DLG2: variants seen among roughly 807,000 people sequenced by gnomAD.
DLG2 encodes disks large homolog 2.
Under a neutral mutation model 132.5 loss-of-function variants are expected in DLG2, and 45 were observed. That is an observed-to-expected ratio of 0.34 (90% CI 0.27 to 0.44). DLG2 has a LOEUF of 0.44. DLG2 is among the 20% of genes least tolerant of loss of function. DLG2 has a pLI of 1.00. For missense variants in DLG2, 1,045 were observed against 1,196.9 expected (o/e 0.87, Z 1.87); for synonymous variants, 424 against 419.6 (o/e 1.01, Z -0.13).
intron 7 of DLG2, among the ~76,000 whole-genome samples, chr11:84,393,978 T>C (rs974705551): frequency 2.6e-5 from 4 of 152,028 alleles, no homozygotes; most frequent in African/African-American, 7.2e-5. Context: ...CTCCACCTCC[T>C]GGGTTCAAGC....
intron 18 of DLG2, among the ~76,000 whole-genome samples, chr11:83,647,333 G>A (rs1346478213): frequency 6.6e-6 from 1 of 152,028 alleles, no homozygotes; most frequent in Admixed American, 6.6e-5. Flanking sequence ...TGTGTTCTCT[G>A]TGCAGCATTT....
intron 17 of DLG2, among the ~76,000 whole-genome samples, chr11:83,796,919 C>A (rs1180781046): frequency 1.3e-5 from 2 of 152,060 alleles, no homozygotes; most frequent in Non-Finnish European, 2.9e-5. Context: ...CAAAAAAAGT[C>A]AGAATTCTGT....
At chr11:84,843,891 T>C (rs542640443) in intron 6 of DLG2, among the ~76,000 whole-genome samples, 4 of 151,546 alleles carry the variant, frequency 2.6e-5, no homozygotes, top group Admixed American at 2.6e-4. Context: ...TATTTCTTTA[T>C]TTATCTCTAT....
At chr11:85,380,051 T>C (rs1215029869) in intron 3 of DLG2, among the ~76,000 whole-genome samples, 1 of 152,144 alleles carries the variant, frequency 6.6e-6, no homozygotes, top group Non-Finnish European at 1.5e-5. Flanking sequence ...TTCCACAAAA[T>C]ATTGCCCCCA....
At chr11:83,668,706 CAT>C (rs1176794599) in intron 18 of DLG2, among the ~76,000 whole-genome samples, 4 of 12,806 alleles carry the variant, frequency 3.1e-4, no homozygotes, top group Admixed American at 1.4e-3. Flanking sequence ...TATATAAACA[CAT>C]ATATATGTGT....
At chr11:83,816,206 T>C (rs2048866268) in intron 17 of DLG2, among the ~76,000 whole-genome samples, 2 of 152,188 alleles carry the variant, frequency 1.3e-5, no homozygotes, top group Admixed American at 1.3e-4. Context: ...CCTTCCCACA[T>C]TCCAGGACTA....
At chr11:84,665,362 G>A (rs553812849) in intron 6 of DLG2, among the ~76,000 whole-genome samples, 11 of 152,112 alleles carry the variant, frequency 7.2e-5, no homozygotes, top group Non-Finnish European at 1.2e-4. Flanking sequence ...ATATTACATA[G>A]TCAGCAGCCA....
chr11:84,791,528 G>T (rs2073842773), intron 6 of DLG2, among the ~76,000 whole-genome samples: 1 of 152,110 alleles, frequency 6.6e-6, no homozygotes, highest in African/African-American at 2.4e-5. Flanking sequence ...GATTGCTTTG[G>T]CTGGTATGGA....
chr11:84,777,227 AT>A lies in DLG2; in HGVS notation c.358-242497del, dbSNP rs1208258780. ...ATGTTGCTGCAAAAGATGTAATTTC[AT>A]TCTTTTTGCTGTCTAAATAGTATCC... On this transcript the variant is annotated intron_variant, in intron 6 of 27. Coordinates refer to ENST00000376104, the MANE Select transcript of DLG2 (RefSeq NM_001142699.3). 2.7e-5 allele frequency among the ~76,000 whole-genome samples: 2 copies of A among 73,106 alleles called. 1 individual carries two copies. The highest frequency in any genetic ancestry group is 5.2e-5 in the Non-Finnish European group (2 of 38,812). The allele number at this position is 73,106 out of a possible 152,430, so 48.0% of individuals were successfully genotyped here. A position where few individuals can be genotyped will look rare whatever the true frequency, so the allele number is the denominator to read the frequency against.
chr11:85,372,744 A>G (rs1377296550), intron 3 of DLG2, among the ~76,000 whole-genome samples: 3 of 152,254 alleles, frequency 2.0e-5, no homozygotes, highest in African/African-American at 7.2e-5. Context: ...GGGTACAGCC[A>G]CTTTGGCACT....
Position 84,735,292 on chromosome 11 carries a change from T to C in DLG2, c.358-200561A>G, listed in dbSNP as rs554176893. ...CTGGACTTTTTTGGTTGGTAGGCTA[T>C]TAATTATTGCCTCAATTTCAGATTC... On this transcript the variant is annotated intron_variant, in intron 6 of 27. Transcript: ENST00000376104. Among the ~76,000 whole-genome samples the C allele has an allele frequency of 5.9e-5, 9 of 152,312 alleles. No homozygotes were observed. In the East Asian group the frequency reaches 1.7e-3, roughly 29 times the overall value.
chr11:84,945,073 C>T (rs775746285), intron 6 of DLG2, among the ~76,000 whole-genome samples: 5 of 152,132 alleles, frequency 3.3e-5, no homozygotes, highest in African/African-American at 4.8e-5. Flanking sequence ...GTCATGTTTT[C>T]GTAGATGGTC....
At chr11:84,546,768 G>A (rs928704785) in intron 6 of DLG2, 5 of 315,024 alleles carry the variant, frequency 1.6e-5, no homozygotes, top group Non-Finnish European at 3.2e-5. Context: ...ACTCTCATGG[G>A]TTGTTTCAAA....
At chr11:84,454,297 G>A (rs1347472763) in intron 7 of DLG2, among the ~76,000 whole-genome samples, 1 of 151,498 alleles carries the variant, frequency 6.6e-6, no homozygotes, top group African/African-American at 2.4e-5. Flanking sequence ...TGTCCTCTGA[G>A]AAGAAATAGA....
At chr11:85,379,778 C>T (rs909244821) in intron 3 of DLG2, among the ~76,000 whole-genome samples, 2 of 152,190 alleles carry the variant, frequency 1.3e-5, no homozygotes, top group Admixed American at 6.5e-5. Context: ...TTTTTCCCTA[C>T]TATACCATGT....
rs1251986717 is a variant in DLG2, at chr11:83,668,683, GTATATATATGTGTATATAAACACA to G, written c.1826-35382_1826-35359del. Among the ~76,000 whole-genome samples the G allele has an allele frequency of 1.4e-3, 201 of 144,510 alleles. 1 individual carries two copies. The highest frequency in any genetic ancestry group is 8.4e-3 in the South Asian group (38 of 4,524). The allele number at this position is 144,510 out of a possible 152,430, so 94.8% of individuals were successfully genotyped here. ...TATATGTATAAGTATATATGTATGT[GTATATATATGTGTATATAAACACA>G]TATATATGTGTATATAAACACATAT... On this transcript the variant is annotated intron_variant, in intron 18 of 27. Transcript: ENST00000376104.
intron 3 of DLG2, among the ~76,000 whole-genome samples, chr11:85,529,212 C>T (rs1018817813): frequency 3.9e-4 from 59 of 152,304 alleles, no homozygotes; most frequent in Non-Finnish European, 7.8e-4. Context: ...AACTCTCCTT[C>T]ACCTACATTC....
intron 6 of DLG2, among the ~76,000 whole-genome samples, chr11:84,549,778 G>A (rs1035424209): frequency 5.9e-5 from 9 of 151,934 alleles, no homozygotes; most frequent in Non-Finnish European, 1.0e-4. Context: ...TTTTGAGATG[G>A]AGTCTCGCTC....
At chr11:83,655,505 T>A (rs1359151858) in intron 18 of DLG2, among the ~76,000 whole-genome samples, 1 of 152,208 alleles carries the variant, frequency 6.6e-6, no homozygotes, top group Non-Finnish European at 1.5e-5. Flanking sequence ...TGGGAGCAGA[T>A]GGATTAATCC....
Sources: allele counts gnomAD v4.1 joint callset (sites outside exome capture counted in the v4.1 genomes callset), GRCh38; gene constraint gnomAD v4.1.1; transcripts MANE v1.5; gene names NCBI Gene and HGNC (gene_info 2026-07-23, HGNC 2026-07-21).